ABCC5: variants seen among roughly 807,000 people sequenced by gnomAD.
ABCC5 encodes ATP-binding cassette sub-family C member 5.
A neutral mutation model predicts 160.9 loss-of-function variants in ABCC5; 61 were observed. That is an observed-to-expected ratio of 0.38 (90% CI 0.31 to 0.47). The LOEUF (loss-of-function observed/expected upper bound fraction) is 0.47, where lower values mean the gene tolerates loss of function less well. Ranked by LOEUF, ABCC5 falls within the 20% of genes least tolerant of loss-of-function variation. The pLI is 0.99. For synonymous variants in ABCC5, 666 were observed against 700.6 expected (o/e 0.95, Z 0.78); for missense variants, 1,308 against 1,813.3 (o/e 0.72, Z 5.06).
chr3:183,923,601 C>T (rs772980601), intron 29 of ABCC5, among the ~76,000 whole-genome samples: 23 of 152,094 alleles, frequency 1.5e-4, no homozygotes, highest in Admixed American at 8.5e-4. Flanking sequence ...CCAGCCTGGG[C>T]GACAGAGCGA....
At position 183,947,233 on chromosome 3, in the gene ABCC5, A is replaced by G. The variant is rs546517225; in HGVS notation, c.3414+91T>C. On this transcript the variant is annotated intron_variant, in intron 23 of 29. Transcript: ENST00000334444. ...GGGTCCAGAGGTGAAATAATGGCTC[A>G]GGGTGGAGCCCCCCACAATCATCCC... is the stretch of plus-strand genomic sequence containing the variant. The G allele has an allele frequency of 5.4e-5, 72 of 1,328,012 alleles. No individual in the cohort carries two copies. The African/African-American group carries it at 9.9e-4, about 18-fold the overall frequency. 82.3% of individuals were successfully genotyped at this position (1,328,012 alleles called of 1,614,324 possible). A position where few individuals can be genotyped will look rare whatever the true frequency, so the allele number is the denominator to read the frequency against.
At chr3:183,954,506 G>C (rs1013450244) in intron 17 of ABCC5, among the ~76,000 whole-genome samples, 1 of 152,318 alleles carries the variant, frequency 6.6e-6, no homozygotes, top group Non-Finnish European at 1.5e-5. Flanking sequence ...GGTTCAAAAC[G>C]AGGCAGCTGT....
At chr3:183,957,330 G>A (rs200006702) in intron 17 of ABCC5, among the ~76,000 whole-genome samples, 1,325 of 78,192 alleles carry the variant, frequency 0.017, 15 homozygotes, top group East Asian at 0.048. Context: ...GGTTACATGC[G>A]GGTCCGTGTG....
intron 2 of ABCC5, among the ~76,000 whole-genome samples, chr3:184,000,024 T>C (rs1367832745): frequency 3.3e-5 from 5 of 151,782 alleles, no homozygotes; most frequent in African/African-American, 9.7e-5. Context: ...CTTTTTTGCG[T>C]AAGGAAATTA....
At chr3:183,970,318 T>C (rs1717619444) in intron 11 of ABCC5, among the ~76,000 whole-genome samples, 2 of 152,042 alleles carry the variant, frequency 1.3e-5, no homozygotes, top group African/African-American at 4.8e-5. Context: ...GGTAGCTCTC[T>C]CCCTCATCTC....
chr3:183,965,530 T>G, intron 12 of ABCC5, 29 bp from the exon 13 acceptor site: 1 of 1,612,920 alleles, frequency 6.2e-7, no homozygotes, highest in Non-Finnish European at 8.5e-7. Context: ...TCCAATGGCA[T>G]CATAACTCAA....
At chr3:183,973,141 G>A (rs749694101) in intron 10 of ABCC5, among the ~76,000 whole-genome samples, 27 of 141,520 alleles carry the variant, frequency 1.9e-4, no homozygotes, top group Admixed American at 4.6e-4. Flanking sequence ...TGCAAGCTCC[G>A]CCTCCTGAGT....
chr3:184,000,366 A>AAAT (rs1351362535), intron 2 of ABCC5, among the ~76,000 whole-genome samples: 1 of 152,082 alleles, frequency 6.6e-6, no homozygotes, highest in Non-Finnish European at 1.5e-5. Context: ...AAATAAATAA[A>AAAT]AATAAGAAGT....
chr3:183,985,328 C>A, intron 5 of ABCC5: 1 of 1,614,020 alleles, frequency 6.2e-7, no homozygotes, highest in Non-Finnish European at 8.5e-7. Context: ...AGAGATTCTG[C>A]CCAGCTTGAC....
At chr3:183,995,665 T>G (rs2108885507) in intron 2 of ABCC5, among the ~76,000 whole-genome samples, 1 of 152,330 alleles carries the variant, frequency 6.6e-6, no homozygotes, top group South Asian at 2.1e-4. Context: ...ACTACTGACT[T>G]GATTACTGTA....
At chr3:184,012,355 G>A (rs933040559) in intron 2 of ABCC5, among the ~76,000 whole-genome samples, 1 of 151,750 alleles carries the variant, frequency 6.6e-6, no homozygotes, top group East Asian at 1.9e-4. Context: ...CACATCCTAT[G>A]CCCTGAACAA....
In ABCC5 at chr3:183,951,399, A is replaced by G. The variant is rs1715329276; in HGVS notation, c.2944+42T>C. 6.2e-7 allele frequency: 1 copy of G among 1,605,264 alleles called. No individual in the cohort carries two copies. ...GAATCATCTAGAAGGCTGGAAGCAC[A>G]GTGAGCTCCAGAGTATTAAAAAAAG... is the stretch of plus-strand genomic sequence containing the variant. On this transcript the variant is annotated intron_variant, in intron 20 of 29. Coordinates refer to ENST00000334444, the MANE Select transcript of ABCC5 (RefSeq NM_005688.4). This position sits in a 1 kb window ranked among gnomAD's most constrained non-coding sequence, Gnocchi z 4.7.
intron 2 of ABCC5, among the ~76,000 whole-genome samples, chr3:184,011,621 T>A (rs1045039727): frequency 4.6e-5 from 7 of 152,214 alleles, no homozygotes; most frequent in Non-Finnish European, 7.3e-5. Context: ...CCTTTATGTA[T>A]AATTGCCATT....
At position 184,014,452 on chromosome 3, in the gene ABCC5, A is replaced by C; in HGVS notation, c.-55-5T>G. On this transcript the variant is annotated splice_polypyrimidine_tract_variant and splice_region_variant and intron_variant, in intron 1 of 29. Transcript: ENST00000334444. ...GTTAGTTTCACATCAGAATTCCTGA[A>C]ATTAAAAATTCATCAAGAAATAGAT... 1 of 1,535,768 alleles carries C rather than the reference A, an allele frequency of 6.5e-7. No homozygotes were observed. Among genetic ancestry groups the C allele is most frequent in the Non-Finnish European group, 8.8e-7 (1 of 1,141,560 alleles).
rs1047028323 is a variant in ABCC5, at chr3:183,947,565, T to C, written c.3228-55A>G. 42 of 1,392,260 alleles carry C rather than the reference T, an allele frequency of 3.0e-5. No individual in the cohort carries two copies. The African/African-American group carries it at 5.1e-4, about 17-fold the overall frequency. The allele number at this position is 1,392,260 out of a possible 1,614,324, so 86.2% of individuals were successfully genotyped here. On this transcript the variant is annotated intron_variant, in intron 22 of 29. Coordinates refer to ENST00000334444, the MANE Select transcript of ABCC5 (RefSeq NM_005688.4). The stretch of plus-strand genomic sequence containing the variant: ...AGAAAGTACTACACAACCCCGCGCA[T>C]GGACAAAGCTTCAGCGAATCAGATG...
intron 24 of ABCC5, among the ~76,000 whole-genome samples, chr3:183,944,932 T>A (rs1245574193): frequency 6.6e-6 from 1 of 152,188 alleles, no homozygotes; most frequent in Admixed American, 6.5e-5. Flanking sequence ...TGGTGGCAGA[T>A]GACTGAATCA....
Position 183,981,724 on chromosome 3 carries a change from C to T in ABCC5, c.1147+3G>A. 6.2e-7 allele frequency: 1 copy of T among 1,609,398 alleles called. No individual in the cohort carries two copies. ...CATGCACATACAAAATCTTTAAACTCACTTTGAACACTCTGAGAAAATGCT... is the reference window on the plus strand; with the variant it reads ...CATGCACATACAAAATCTTTAAACTTACTTTGAACACTCTGAGAAAATGCT... On this transcript the variant is annotated splice_donor_region_variant and intron_variant, in intron 8 of 29. Transcript: ENST00000334444.
chr3:183,921,251 A>G lies in ABCC5; in HGVS notation c.*49T>C, dbSNP rs1303140209. The G allele has an allele frequency of 1.2e-5, 13 of 1,111,782 alleles. No homozygotes were observed. The highest frequency in any genetic ancestry group is 1.6e-5 in the Non-Finnish European group (12 of 747,628). The allele number at this position is 1,111,782 out of a possible 1,614,324, so 68.9% of individuals were successfully genotyped here. A position where few individuals can be genotyped will look rare whatever the true frequency, so the allele number is the denominator to read the frequency against. On this transcript the variant is annotated 3_prime_UTR_variant, in exon 30 of 30. Coordinates refer to ENST00000334444, the MANE Select transcript of ABCC5 (RefSeq NM_005688.4). This position sits in a 1 kb window ranked among gnomAD's most constrained non-coding sequence, Gnocchi z 4.1. ...ACGCGATGAGGGGCCCGCCCCAGGC[A>G]GGGAATGGCAATGCTCTAAAGAAAA...
In ABCC5 at chr3:183,949,671, G is replaced by A; in HGVS notation, c.3227+82C>T. On this transcript the variant is annotated intron_variant, in intron 22 of 29. Coordinates refer to ENST00000334444, the MANE Select transcript of ABCC5 (RefSeq NM_005688.4). This position sits in a 1 kb window ranked among gnomAD's most constrained non-coding sequence, Gnocchi z 4.2. ...ATGAGGTTTATAATCCCCATCTCTG[G>A]CCTTGAAGAGCCTCCCGGACAAGTA... 6.6e-7 allele frequency: 1 copy of A among 1,523,176 alleles called. No homozygotes were observed. The highest frequency in any genetic ancestry group is 1.3e-5 in the South Asian group (1 of 79,908). The allele number at this position is 1,523,176 out of a possible 1,614,324, so 94.4% of individuals were successfully genotyped here. A position where few individuals can be genotyped will look rare whatever the true frequency, so the allele number is the denominator to read the frequency against.
Sources: allele counts gnomAD v4.1 joint callset (sites outside exome capture counted in the v4.1 genomes callset), GRCh38; gene constraint gnomAD v4.1.1; non-coding constraint Gnocchi (gnomAD v3.1); transcripts MANE v1.5; gene names NCBI Gene and HGNC (gene_info 2026-07-23, HGNC 2026-07-21).